Variants in TAF4B observed in about 807,000 individuals in gnomAD.
TAF4B encodes the protein transcription initiation factor TFIID subunit 4B.
TAF4B carries 38 observed loss-of-function variants against 86.4 expected under a neutral mutation model. The observed-to-expected ratio is 0.44, with a 90% CI of 0.34 to 0.58. The LOEUF is 0.58. Among genes scored for constraint, TAF4B ranks in the 20% least tolerant of loss-of-function variants. The probability of loss-of-function intolerance (pLI) is 0.02; values close to 1 mark genes in which losing one functional copy is unlikely to be tolerated. For missense variants in TAF4B, 988 were observed against 1,027.6 expected (o/e 0.96, Z 0.53); for synonymous variants, 388 against 391.2 (o/e 0.99, Z 0.10).
intron 14 of TAF4B, among the ~76,000 whole-genome samples, chr18:26,365,998 C>G (rs1263449494): frequency 6.6e-6 from 1 of 152,034 alleles, no homozygotes; most frequent in Non-Finnish European, 1.5e-5. Flanking sequence ...ACCATGTTAC[C>G]CAGATTGGTC....
chr18:26,377,478 A>G (rs1384260023), intron 14 of TAF4B, among the ~76,000 whole-genome samples: 1 of 152,232 alleles, frequency 6.6e-6, no homozygotes, highest in Non-Finnish European at 1.5e-5. Flanking sequence ...AGTAGATGCT[A>G]GAAGCCTAGC....
chr18:26,257,088 G>T (rs933761523), intron 1 of TAF4B, among the ~76,000 whole-genome samples: 4 of 152,148 alleles, frequency 2.6e-5, no homozygotes, highest in African/African-American at 9.7e-5. Flanking sequence ...GTACTCCATA[G>T]ATCTGAGTTA....
chr18:26,329,026 T>A (rs142069034), intron 12 of TAF4B, among the ~76,000 whole-genome samples: 1 of 152,122 alleles, frequency 6.6e-6, no homozygotes, highest in African/African-American at 2.4e-5. Flanking sequence ...TTCTTTCTTC[T>A]TCTCTCCTCC....
intron 14 of TAF4B, among the ~76,000 whole-genome samples, chr18:26,383,874 A>G (rs957183182): frequency 3.3e-5 from 5 of 152,168 alleles, no homozygotes; most frequent in African/African-American, 1.2e-4. Context: ...CTGCTTGTTG[A>G]CCAGCAGAGG....
chr18:26,372,826 C>T (rs969892178), intron 14 of TAF4B, among the ~76,000 whole-genome samples: 46 of 79,846 alleles, frequency 5.8e-4, no homozygotes, highest in African/African-American at 1.7e-3. Context: ...AAAAAATAGC[C>T]GGGCATAGTG....
intron 1 of TAF4B, among the ~76,000 whole-genome samples, chr18:26,257,912 A>G (rs2056109248): frequency 6.7e-6 from 1 of 150,188 alleles, no homozygotes; most frequent in Non-Finnish European, 1.5e-5. Flanking sequence ...CCTTGCATCT[A>G]GTTATATTAC....
At chr18:26,320,166 A>C (rs1436520497) in intron 10 of TAF4B, among the ~76,000 whole-genome samples, 2 of 152,234 alleles carry the variant, frequency 1.3e-5, no homozygotes, top group Non-Finnish European at 2.9e-5. Flanking sequence ...TAGAATATAA[A>C]ATCAAACTAT....
intron 8 of TAF4B, 39 bp from the exon 9 acceptor site, chr18:26,293,387 T>C (rs1425855732): frequency 6.9e-7 from 1 of 1,447,230 alleles, no homozygotes; most frequent in African/African-American, 1.4e-5. Context: ...GTGTGATTGC[T>C]TTTTTTGTAT....
chr18:26,321,027 A>G, intron 10 of TAF4B, 43 bp from the exon 11 acceptor site: 4 of 1,609,940 alleles, frequency 2.5e-6, no homozygotes, highest in South Asian at 1.1e-5. Context: ...TTCAATTATC[A>G]GCCACTACTA....
rs758560400 is a variant in TAF4B, at chr18:26,286,326, G to A, written c.1417G>A (p.Glu473Lys). 3.1e-6 allele frequency: 5 copies of A among 1,614,220 alleles called. 1 individual carries two copies. In the South Asian group the frequency reaches 5.5e-5, roughly 18 times the overall value. ...GTCCCTTCCAGCAGTAACTTTTGGA[G>A]AAACTTCAGGTGCAGCTATTTGTCT... is the stretch of plus-strand genomic sequence containing the variant. ...TLSLPAVTFG[E>K]TSGAAICLPS... The change falls in exon 7 of 15, where the codon GAA becomes AAA. Residue 473 changes from glutamate (E) to lysine (K), a missense_variant. Glu to Lys is a moderately conservative substitution (Grantham distance 56, BLOSUM62 1). Transcript: ENST00000269142.
chr18:26,346,907 G>GTATATATATATA (rs61248095), intron 13 of TAF4B, among the ~76,000 whole-genome samples: 7 of 11,218 alleles, frequency 6.2e-4, no homozygotes, highest in East Asian at 9.6e-3. Context: ...ATATGTGTGT[G>GTATATATATATA]TATATATATA....
intron 8 of TAF4B, 147 bp downstream of exon 8, chr18:26,292,528 G>T: frequency 5.7e-6 from 5 of 873,900 alleles, no homozygotes; most frequent in Non-Finnish European, 8.5e-6. Flanking sequence ...ATAATCGTTA[G>T]ATTTCTCTCC....
chr18:26,336,217 C>A (rs1010983842), intron 13 of TAF4B, among the ~76,000 whole-genome samples: 1 of 152,194 alleles, frequency 6.6e-6, no homozygotes, highest in African/African-American at 2.4e-5. Flanking sequence ...TGATTTCATG[C>A]AATTTTTAAG....
rs567122833 is a variant in TAF4B, at chr18:26,359,831, T to G, written c.2421+2037T>G. Among the ~76,000 whole-genome samples the G allele has an allele frequency of 2.6e-5, 4 of 151,798 alleles. No individual in the cohort carries two copies. In the East Asian group the frequency reaches 7.8e-4, roughly 29 times the overall value. On this transcript the variant is annotated intron_variant, in intron 14 of 14. Coordinates refer to ENST00000269142, the MANE Select transcript of TAF4B (RefSeq NM_005640.3). Reference sequence around the variant, plus strand: ...CCTGGGCTCAAGCAATCCTGTCACCTCTTACCCACCCGAGTAGCTGAGCTA... The same window carrying G: ...CCTGGGCTCAAGCAATCCTGTCACCGCTTACCCACCCGAGTAGCTGAGCTA...
chr18:26,308,870 ACT>A (rs1228822842), intron 9 of TAF4B, among the ~76,000 whole-genome samples: 6 of 115,522 alleles, frequency 5.2e-5, no homozygotes, highest in African/African-American at 1.0e-4. Flanking sequence ...ACAGAGTGAG[ACT>A]CTGTCTCAAA....
intron 1 of TAF4B, among the ~76,000 whole-genome samples, chr18:26,239,302 T>TCATA (rs2055799357): frequency 6.6e-6 from 1 of 152,172 alleles, no homozygotes; most frequent in Admixed American, 6.5e-5. Context: ...TGAGATGGTA[T>TCATA]CTCATTGTGG....
intron 1 of TAF4B, among the ~76,000 whole-genome samples, chr18:26,249,678 T>C (rs1389141071): frequency 1.3e-5 from 2 of 152,358 alleles, no homozygotes; most frequent in Middle Eastern, 3.4e-3. Flanking sequence ...TTTTCACTTA[T>C]CATTATATGG....
chr18:26,380,530 T>G (rs923207355), intron 14 of TAF4B, among the ~76,000 whole-genome samples: 4 of 152,250 alleles, frequency 2.6e-5, no homozygotes, highest in African/African-American at 9.6e-5. Flanking sequence ...TGGTTTGTCT[T>G]GATGAATACT....
Position 26,292,265 on chromosome 18 carries a change from G to A in TAF4B, c.1610G>A (p.Gly537Glu), listed in dbSNP as rs1223243649. Reference sequence around the variant, plus strand: ...TTTCAGGTAGTTCAGCAGCCTTCAGGAGGCAATGAAAAACAAGTGACCACA... The same window carrying A: ...TTTCAGGTAGTTCAGCAGCCTTCAGAAGGCAATGAAAAACAAGTGACCACA... ...VKQLVVQQPS[G>E]GNEKQVTTIS... is the part of the protein sequence containing the mutation. The change falls in exon 8 of 15, where the codon GGA becomes GAA. Residue 537 changes from glycine (G) to glutamate (E), a missense_variant. By Grantham distance (98) the Gly-to-Glu change is moderately conservative (BLOSUM62 -2). Coordinates refer to ENST00000269142, the MANE Select transcript of TAF4B (RefSeq NM_005640.3). The A allele has an allele frequency of 6.2e-6, 10 of 1,613,948 alleles. No homozygotes were observed. Among genetic ancestry groups the A allele is most frequent in the South Asian group, 1.1e-5 (1 of 91,056 alleles).
Sources: allele counts gnomAD v4.1 joint callset (sites outside exome capture counted in the v4.1 genomes callset), GRCh38; gene constraint gnomAD v4.1.1; transcripts MANE v1.5; gene names NCBI Gene and HGNC (gene_info 2026-07-23, HGNC 2026-07-21).